Variants in FRMPD4 observed in about 807,000 individuals in gnomAD.
The protein encoded by FRMPD4 is FERM and PDZ domain-containing protein 4.
In FRMPD4, 22 loss-of-function variants were observed where a neutral mutation model predicts 94.1. The observed-to-expected ratio is 0.23, with a 90% CI of 0.17 to 0.33. The LOEUF is 0.33. FRMPD4 is among the 10% of genes least tolerant of loss of function. The pLI, the probability that FRMPD4 is intolerant of heterozygous loss-of-function variation, is 1.00. For synonymous variants in FRMPD4, 631 were observed against 548.6 expected, an observed-to-expected ratio of 1.15 and a Z score of -2.10; for missense variants, 1,111 against 1,339.9, an observed-to-expected ratio of 0.83 and a Z score of 2.67.
At chrX:11,829,763 A>C (rs962527184) in intron 1 of FRMPD4, among the ~76,000 whole-genome samples, 1 of 112,150 alleles carries the variant, frequency 8.9e-6, no homozygotes, top group Non-Finnish European at 1.9e-5. Context: ...GTCACTGAGA[A>C]AGCAAAAGAA....
intron 3 of FRMPD4, among the ~76,000 whole-genome samples, chrX:11,977,991 C>A (rs1471923806): frequency 9.1e-6 from 1 of 109,979 alleles, no homozygotes; most frequent in Non-Finnish European, 1.9e-5. Context: ...CCGACCCCCA[C>A]TTCCCATCAT....
intron 1 of FRMPD4, among the ~76,000 whole-genome samples, chrX:12,278,735 G>A (rs372957179): frequency 3.6e-5 from 4 of 110,963 alleles, no homozygotes; most frequent in African/African-American, 6.6e-5. Context: ...AGGGCTGGCC[G>A]GAAGTGGTGG....
chrX:12,454,532 G>GTT (rs372494339), intron 1 of FRMPD4, among the ~76,000 whole-genome samples: 3 of 97,751 alleles, frequency 3.1e-5, no homozygotes, highest in African/African-American at 3.7e-5. Flanking sequence ...TTGCTGGAGG[G>GTT]TTTTTTTTTT....
rs752500990 is a variant in FRMPD4 at position 12,543,689 on chromosome X, A to G, written c.158+44893A>G. On this transcript the variant is annotated intron_variant, in intron 2 of 16. Transcript: ENST00000675598. ...TGGAAGACAGTGTGGCAATTCCTCA[A>G]GGATCTAGAACTAGAAATACCATTT... 6.4e-3 allele frequency among the ~76,000 whole-genome samples: 718 copies of G among 111,870 alleles called. 4 individuals are homozygous for G. The highest frequency in any genetic ancestry group is 0.022 in the African/African-American group (680 of 30,768).
At chrX:12,080,786 T>C (rs1352361887) in intron 3 of FRMPD4, among the ~76,000 whole-genome samples, 1 of 112,247 alleles carries the variant, frequency 8.9e-6, no homozygotes, top group African/African-American at 3.2e-5. Context: ...ACAGCTGCTT[T>C]TTTAGGTAAC....
At chrX:12,446,038 G>T (rs963787408) in intron 1 of FRMPD4, among the ~76,000 whole-genome samples, 21 of 112,013 alleles carry the variant, frequency 1.9e-4, no homozygotes, top group Non-Finnish European at 3.8e-4. Context: ...ATGTGACTTG[G>T]GTCTGTGAAC....
intron 1 of FRMPD4, among the ~76,000 whole-genome samples, chrX:11,861,916 T>G (rs1228920955): frequency 1.8e-5 from 2 of 111,741 alleles, no homozygotes; most frequent in Non-Finnish European, 3.8e-5. Context: ...AAGCATGAGG[T>G]CAGCATCTGC....
At chrX:11,855,242 C>A in intron 1 of FRMPD4, among the ~76,000 whole-genome samples, 1 of 111,264 alleles carries the variant, frequency 9.0e-6, no homozygotes, top group Admixed American at 9.4e-5. Context: ...GCAGGGAGGC[C>A]CTGGGCCTGG....
At chrX:12,673,300 C>T (rs973013968) in intron 4 of FRMPD4, among the ~76,000 whole-genome samples, 59 of 112,127 alleles carry the variant, frequency 5.3e-4, no homozygotes, top group African/African-American at 1.8e-3. Flanking sequence ...AAAACTTGAA[C>T]AAAAACTAAG....
At chrX:12,533,128 T>A (rs947508200) in intron 2 of FRMPD4, among the ~76,000 whole-genome samples, 1 of 110,884 alleles carries the variant, frequency 9.0e-6, no homozygotes, top group African/African-American at 3.3e-5. Flanking sequence ...GGGAGGTAAA[T>A]GAATCATGGG....
chrX:12,133,371 G>C (rs857343), intron 3 of FRMPD4, among the ~76,000 whole-genome samples: 44,134 of 108,751 alleles, frequency 0.41, 7,524 homozygotes, highest in East Asian at 0.82. Context: ...TGCACCCAGC[G>C]AAACCCTTCT....
At chrX:12,160,936 T>G (rs1032045402) in intron 1 of FRMPD4, among the ~76,000 whole-genome samples, 1 of 111,247 alleles carries the variant, frequency 9.0e-6, no homozygotes, top group Non-Finnish European at 1.9e-5. Flanking sequence ...TTATTAATAT[T>G]AATATTAGCA....
chrX:12,276,209 T>C (rs979254798), intron 1 of FRMPD4, among the ~76,000 whole-genome samples: 1 of 112,559 alleles, frequency 8.9e-6, no homozygotes, highest in Non-Finnish European at 1.9e-5. Flanking sequence ...CTTGTAGCTG[T>C]CCATGAAAAG....
chrX:11,892,886 G>C (rs2053882787), intron 3 of FRMPD4, among the ~76,000 whole-genome samples: 1 of 112,263 alleles, frequency 8.9e-6, no homozygotes, highest in African/African-American at 3.2e-5. Flanking sequence ...CAATCAGTGA[G>C]AGCTTTCTCG....
chrX:12,225,593 G>A (rs770230317), intron 1 of FRMPD4, among the ~76,000 whole-genome samples: 7 of 111,731 alleles, frequency 6.3e-5, no homozygotes, highest in Middle Eastern at 4.6e-3. Flanking sequence ...TAGCTTAACC[G>A]AAAATGGAAC....
Position 12,091,302 on chromosome X carries a change from G to A in FRMPD4, c.95+213284G>A, listed in dbSNP as rs914694901. On this transcript the variant is annotated intron_variant, in intron 3 of 18. Transcript: ENST00000640291. ...TCCAGATTCTATGCCATAAACCAAG[G>A]AGCAACAAACTTTGTCTGAGAAGGG... is the stretch of plus-strand genomic sequence containing the variant. Among the ~76,000 whole-genome samples the A allele has an allele frequency of 3.6e-5, 4 of 111,668 alleles. No individual in the cohort carries two copies. In the East Asian group the frequency reaches 1.1e-3, roughly 31 times the overall value.
At chrX:11,872,046 T>G (rs1185240489) in intron 2 of FRMPD4, among the ~76,000 whole-genome samples, 1 of 112,019 alleles carries the variant, frequency 8.9e-6, no homozygotes, top group Non-Finnish European at 1.9e-5. Flanking sequence ...AATATGAAAT[T>G]TTGCCAGCTA....
intron 1 of FRMPD4, among the ~76,000 whole-genome samples, chrX:12,233,049 T>G: frequency 8.9e-6 from 1 of 112,198 alleles, no homozygotes; most frequent in Middle Eastern, 4.6e-3. Context: ...ATAAATGCTT[T>G]AATCCCCAAA....
intron 1 of FRMPD4, among the ~76,000 whole-genome samples, chrX:12,410,101 A>G (rs1345288125): frequency 9.0e-6 from 1 of 111,058 alleles, no homozygotes. Context: ...GGAGAGCATC[A>G]GTCAGATTAA....
Sources: allele counts gnomAD v4.1 joint callset (sites outside exome capture counted in the v4.1 genomes callset), GRCh38; gene constraint gnomAD v4.1.1; transcripts MANE v1.5; gene names NCBI Gene and HGNC (gene_info 2026-07-23, HGNC 2026-07-21).